CAB39: variants seen among roughly 807,000 people sequenced by gnomAD.
The protein encoded by CAB39 is calcium binding protein 39, also known as calcium-binding protein 39.
Under a neutral mutation model 40.0 loss-of-function variants are expected in CAB39, and 8 were observed. The ratio of observed to expected loss-of-function variants is 0.20; its 90% confidence interval spans 0.12 to 0.36. CAB39 has a LOEUF of 0.36. Among genes scored for constraint, CAB39 ranks in the 10% least tolerant of loss-of-function variants. The probability of loss-of-function intolerance (pLI) is 1.00; values close to 1 mark genes in which losing one functional copy is unlikely to be tolerated. For missense variants in CAB39, 270 were observed against 401.1 expected, an observed-to-expected ratio of 0.67 and a Z score of 2.79; for synonymous variants, 156 against 141.6, an observed-to-expected ratio of 1.10 and a Z score of -0.72.
intron 2 of CAB39, among the ~76,000 whole-genome samples, chr2:230,787,249 A>G (rs1051769433): frequency 6.6e-6 from 1 of 152,238 alleles, no homozygotes; most frequent in African/African-American, 2.4e-5. Context: ...CCCTGCTCCA[A>G]GATTTGTAGT....
At chr2:230,783,129 G>A (rs1695722912) in intron 2 of CAB39, among the ~76,000 whole-genome samples, 1 of 152,010 alleles carries the variant, frequency 6.6e-6, no homozygotes, top group Admixed American at 6.6e-5. Context: ...GCCCGGCCCA[G>A]ACTGCTCTTT....
intron 2 of CAB39, among the ~76,000 whole-genome samples, chr2:230,770,181 T>C (rs1695457710): frequency 6.6e-6 from 1 of 151,176 alleles, no homozygotes; most frequent in Non-Finnish European, 1.5e-5. Flanking sequence ...AACAAATCAG[T>C]TAAATAGAAA....
At chr2:230,792,878 C>T (rs1371476157) in intron 3 of CAB39, among the ~76,000 whole-genome samples, 1 of 152,170 alleles carries the variant, frequency 6.6e-6, no homozygotes, top group East Asian at 1.9e-4. Flanking sequence ...GGGTGGAATT[C>T]AGATCCCTTA....
intron 6 of CAB39, 35 bp from the exon 7 acceptor site, chr2:230,814,001 TTTTTTTTTTTTGG>T: frequency 2.2e-6 from 1 of 454,530 alleles, no homozygotes; most frequent in Non-Finnish European, 3.9e-6. Context: ...TTTTTTTTTT[TTTTTTTTTTTTGG>T]CAATAACCCT....
At chr2:230,762,692 T>A (rs961812227) in intron 2 of CAB39, among the ~76,000 whole-genome samples, 1 of 152,238 alleles carries the variant, frequency 6.6e-6, no homozygotes, top group African/African-American at 2.4e-5. Flanking sequence ...TGGCTAAATA[T>A]GTTGTCTACT....
chr2:230,813,331 A>G (rs1410050121), intron 6 of CAB39, among the ~76,000 whole-genome samples: 1 of 152,136 alleles, frequency 6.6e-6, no homozygotes, highest in African/African-American at 2.4e-5. Flanking sequence ...GCTGTTTTGA[A>G]GGTCTAGTGG....
intron 2 of CAB39, among the ~76,000 whole-genome samples, chr2:230,780,727 G>C (rs1217813595): frequency 1.3e-5 from 2 of 152,208 alleles, no homozygotes; most frequent in Admixed American, 1.3e-4. Context: ...ATGATGGTCA[G>C]TAACATCATT....
chr2:230,814,551 T>C (rs1696366169), intron 7 of CAB39, among the ~76,000 whole-genome samples: 1 of 152,166 alleles, frequency 6.6e-6, no homozygotes, highest in Non-Finnish European at 1.5e-5. Flanking sequence ...GGATATCCTT[T>C]GCAAGTTAGA....
chr2:230,801,409 T>G (rs1474710687), intron 5 of CAB39, among the ~76,000 whole-genome samples: 1 of 152,198 alleles, frequency 6.6e-6, no homozygotes, highest in Non-Finnish European at 1.5e-5. Flanking sequence ...GTCTCCTGTT[T>G]GCAGAGCATA....
At chr2:230,730,782 G>C (rs1043221955) in intron 1 of CAB39, among the ~76,000 whole-genome samples, 3 of 152,026 alleles carry the variant, frequency 2.0e-5, no homozygotes, top group South Asian at 2.1e-4. Context: ...TGAAAAAGCA[G>C]GTTTATTTTC....
chr2:230,813,470 A>T (rs2244954), intron 6 of CAB39, among the ~76,000 whole-genome samples: 3 of 151,864 alleles, frequency 2.0e-5, no homozygotes, highest in Non-Finnish European at 4.4e-5. Context: ...CTCCCATCCG[A>T]CAGGTCTGAG....
intron 3 of CAB39, among the ~76,000 whole-genome samples, chr2:230,792,863 C>G (rs1559612711): frequency 6.6e-6 from 1 of 152,156 alleles, no homozygotes; most frequent in Non-Finnish European, 1.5e-5. Flanking sequence ...CTGCTTGTTC[C>G]ATTTGGGTGG....
At chr2:230,748,827 A>ATATATATATCTATATATAT (rs1379626328) in intron 1 of CAB39, among the ~76,000 whole-genome samples, 1 of 56,496 alleles carries the variant, frequency 1.8e-5, no homozygotes, top group Non-Finnish European at 3.7e-5. Context: ...AAAAAAAAAA[A>ATATATATATCTATATATAT]AAAAATATAT....
intron 1 of CAB39, among the ~76,000 whole-genome samples, chr2:230,730,082 A>G (rs1203040433): frequency 6.6e-6 from 1 of 152,192 alleles, no homozygotes; most frequent in African/African-American, 2.4e-5. Flanking sequence ...ATCACACATT[A>G]GTGGAGAAAA....
chr2:230,768,174 ATTAG>A (rs1224018024), intron 2 of CAB39, among the ~76,000 whole-genome samples: 4 of 152,204 alleles, frequency 2.6e-5, no homozygotes, highest in African/African-American at 9.7e-5. Context: ...TCTTATCTGA[ATTAG>A]TTAAAACAGA....
chr2:230,813,897 G>T, intron 6 of CAB39, 152 bp from the exon 7 acceptor site: 1 of 543,548 alleles, frequency 1.8e-6, no homozygotes, highest in Non-Finnish European at 3.2e-6. Flanking sequence ...GAAAGAGAGT[G>T]GCAGGGGAGC....
rs1696478880 is a variant in CAB39, at chr2:230,819,972, C to T, written c.*1268C>T. On this transcript the variant is annotated 3_prime_UTR_variant, in exon 9 of 9. Transcript: ENST00000258418. The stretch of plus-strand genomic sequence containing the variant: ...GCTTCTCTTAGGAAAAGACGACTTC[C>T]TAGTCATAGGTGTCCTATGGGGAAA... 1 of 152,576 alleles carries T rather than the reference C, an allele frequency of 6.6e-6. No individual in the cohort carries two copies. The highest frequency in any genetic ancestry group is 2.1e-4 in the South Asian group (1 of 4,830). The allele number at this position is 152,576 out of a possible 1,614,324, so 9.5% of individuals were successfully genotyped here. A position where few individuals can be genotyped will look rare whatever the true frequency, so the allele number is the denominator to read the frequency against.
intron 1 of CAB39, among the ~76,000 whole-genome samples, chr2:230,758,487 T>G (rs1197595378): frequency 2.0e-5 from 3 of 152,164 alleles, no homozygotes; most frequent in Non-Finnish European, 4.4e-5. Flanking sequence ...AATAACATAC[T>G]TGTTTATGAT....
chr2:230,811,895 C>T (rs1166101512), intron 6 of CAB39, among the ~76,000 whole-genome samples: 11 of 152,210 alleles, frequency 7.2e-5, no homozygotes, highest in Admixed American at 4.6e-4. Context: ...AGTAAAATAG[C>T]TTCCTACATG....
Sources: gnomAD v4.1 joint callset for allele counts (sites outside exome capture counted in the v4.1 genomes callset) on GRCh38, gnomAD v4.1.1 for gene constraint, MANE v1.5 for transcripts, NCBI Gene and HGNC (gene_info 2026-07-23, HGNC 2026-07-21) for gene names.